The following STMND1 variants were observed in gnomAD, a reference collection of about 807,000 sequenced individuals.
STMND1 encodes stathmin domain-containing protein 1.
In STMND1, 17 loss-of-function variants were observed where a neutral mutation model predicts 23.0. The ratio of observed to expected loss-of-function variants is 0.74; its 90% CI spans 0.51 to 1.11. The LOEUF (loss-of-function observed/expected upper bound fraction) is 1.11. Ranked by LOEUF, STMND1 falls within the 50% of genes least tolerant of loss-of-function variation. The pLI, the probability that STMND1 is intolerant of heterozygous loss-of-function variation, is 0.00. For missense variants in STMND1, 305 were observed against 329.1 expected, an observed-to-expected ratio of 0.93 and a Z score of 0.57; for synonymous variants, 114 against 119.9, an observed-to-expected ratio of 0.95 and a Z score of 0.32.
intron 2 of STMND1, among the ~76,000 whole-genome samples, chr6:17,120,301 G>T (rs372881673): frequency 2.0e-5 from 3 of 152,244 alleles, no homozygotes; most frequent in South Asian, 4.2e-4. Context: ...CAACGTTGTC[G>T]TACCCAAGTG....
chr6:17,123,914 A>T (rs1283181311), intron 3 of STMND1, among the ~76,000 whole-genome samples: 1 of 152,140 alleles, frequency 6.6e-6, no homozygotes, highest in Non-Finnish European at 1.5e-5. Context: ...ATATTTTGGG[A>T]AGAGTTATGA....
At chr6:17,130,546 G>A in intron 4 of STMND1, 48 bp from the exon 5 acceptor site, 1 of 1,379,396 alleles carries the variant, frequency 7.2e-7, no homozygotes, top group Non-Finnish European at 9.6e-7. Flanking sequence ...ATCACAACTT[G>A]GAGAAAGTTA....
chr6:17,116,626 G>A (rs1761164239), intron 2 of STMND1, among the ~76,000 whole-genome samples: 3 of 152,156 alleles, frequency 2.0e-5, no homozygotes, highest in Middle Eastern at 3.4e-3. Context: ...TTTTAATAGA[G>A]ACGGGGTTTC....
chr6:17,111,380 C>T (rs7738676), intron 1 of STMND1, among the ~76,000 whole-genome samples: 47,223 of 152,034 alleles, frequency 0.31, 7,506 homozygotes, highest in Middle Eastern at 0.34. Flanking sequence ...AATGTATTCT[C>T]ATGGAATGAT....
At chr6:17,128,962 C>T in intron 3 of STMND1, 150 bp from the exon 4 acceptor site, 1 of 685,628 alleles carries the variant, frequency 1.5e-6, no homozygotes, top group Non-Finnish European at 2.3e-6. Flanking sequence ...GTCTTCCCAC[C>T]TTGGCCTCCC....
chr6:17,110,628 C>G (rs1264732307), intron 1 of STMND1: 1 of 318,226 alleles, frequency 3.1e-6, no homozygotes, highest in Non-Finnish European at 6.2e-6. Context: ...ATTAGCCGGG[C>G]GTGGTGGTGC....
chr6:17,113,701 C>G (rs1254405016), intron 1 of STMND1, among the ~76,000 whole-genome samples: 4 of 150,648 alleles, frequency 2.7e-5, no homozygotes, highest in Non-Finnish European at 4.4e-5. Flanking sequence ...CTCCTGGGCT[C>G]CAGAGATCCT....
At chr6:17,114,732 C>T (rs1029644131) in intron 1 of STMND1, among the ~76,000 whole-genome samples, 1 of 152,190 alleles carries the variant, frequency 6.6e-6, no homozygotes, top group East Asian at 1.9e-4. Flanking sequence ...GATGAAGCTT[C>T]GCTGGCTAGC....
intron 2 of STMND1, 30 bp from the exon 3 acceptor site, chr6:17,120,576 CT>C: frequency 6.9e-7 from 1 of 1,445,214 alleles, no homozygotes; most frequent in Non-Finnish European, 9.1e-7. Flanking sequence ...TTAAATTTTG[CT>C]TTCTTTTTTC....
chr6:17,110,504 G>A (rs4716111), intron 1 of STMND1: 46,592 of 215,328 alleles, frequency 0.22, 5,552 homozygotes, highest in East Asian at 0.36. Flanking sequence ...TCGCGGTGGC[G>A]CACGTCTGTA....
In STMND1 at chr6:17,121,863, ATT is replaced by A. The variant is rs11331622; in HGVS notation, c.411+1121_411+1122del. Among the ~76,000 whole-genome samples the A allele has an allele frequency of 2.1e-3, 294 of 142,022 alleles. 3 individuals are homozygous for A. The highest frequency in any genetic ancestry group is 0.01 in the East Asian group (50 of 4,850). 93.2% of individuals were successfully genotyped at this position (142,022 alleles called of 152,430 possible). On this transcript the variant is annotated intron_variant, in intron 3 of 4. Transcript: ENST00000536551. ...GCTTGGCTAAAGTCTAGAGTTCTAA[ATT>A]TTTTTTTTTTTTTTTGAGATGGAGT...
intron 2 of STMND1, among the ~76,000 whole-genome samples, chr6:17,119,363 A>G (rs1355830119): frequency 2.0e-5 from 3 of 152,018 alleles, no homozygotes; most frequent in Non-Finnish European, 4.4e-5. Context: ...TATGTTTTCT[A>G]TCTTCCCAGC....
chr6:17,119,698 C>A (rs1761204404), intron 2 of STMND1, among the ~76,000 whole-genome samples: 2 of 133,282 alleles, frequency 1.5e-5, no homozygotes, highest in Admixed American at 7.7e-5. Flanking sequence ...GAAACCTCAT[C>A]TCAAAAAAAA....
intron 1 of STMND1, 114 bp from the exon 2 acceptor site, chr6:17,114,848 C>A: frequency 8.7e-7 from 1 of 1,149,676 alleles, no homozygotes; most frequent in Non-Finnish European, 1.2e-6. Context: ...TTTCTGGTTA[C>A]TATACAGCCC....
intron 3 of STMND1, chr6:17,128,456 T>G (rs1490939546): frequency 6.6e-6 from 1 of 152,252 alleles, no homozygotes; most frequent in Non-Finnish European, 1.5e-5. Flanking sequence ...GTTGAACTCT[T>G]CACCTTAAAC....
chr6:17,128,991 G>T, intron 3 of STMND1, 121 bp from the exon 4 acceptor site: 1 of 1,048,208 alleles, frequency 9.5e-7, no homozygotes. Context: ...GGGATTACAG[G>T]CATGAGCCAC....
rs139283669 is a variant in STMND1, at chr6:17,129,474, C to T, written c.543+231C>T. On this transcript the variant is annotated intron_variant, in intron 4 of 4. Coordinates refer to ENST00000536551, the MANE Select transcript of STMND1 (RefSeq NM_001190766.2). ...GCAATCTTGAACTTTTGGGCTCAAGCGGTCCCCCTGTCTCCGCCTCCTGAG... is the reference window on the plus strand; with the variant it reads ...GCAATCTTGAACTTTTGGGCTCAAGTGGTCCCCCTGTCTCCGCCTCCTGAG... 1.5e-4 allele frequency among the ~76,000 whole-genome samples: 22 copies of T among 150,408 alleles called. No individual in the cohort carries two copies. In the East Asian group the frequency reaches 4.3e-3, roughly 29 times the overall value.
At chr6:17,123,013 T>C (rs1462994439) in intron 3 of STMND1, among the ~76,000 whole-genome samples, 2 of 152,128 alleles carry the variant, frequency 1.3e-5, no homozygotes, top group South Asian at 2.1e-4. Flanking sequence ...TGTGGAAACA[T>C]TCAGTAGCTA....
At chr6:17,113,091 A>G (rs1193894028) in intron 1 of STMND1, among the ~76,000 whole-genome samples, 1 of 152,182 alleles carries the variant, frequency 6.6e-6, no homozygotes, top group Non-Finnish European at 1.5e-5. Flanking sequence ...ATGTGAGCAA[A>G]CACATCTGGG....
Sources: gnomAD v4.1 joint callset for allele counts (sites outside exome capture counted in the v4.1 genomes callset) on GRCh38, gnomAD v4.1.1 for gene constraint, MANE v1.5 for transcripts, NCBI Gene and HGNC (gene_info 2026-07-23, HGNC 2026-07-21) for gene names.